The following GALNT18 variants were observed in gnomAD, a reference collection of about 807,000 sequenced individuals.
GALNT18 encodes GalNAc-transferase 18.
Under a neutral mutation model 69.5 loss-of-function variants are expected in GALNT18, and 44 were observed. The ratio of observed to expected loss-of-function variants is 0.63; its 90% CI spans 0.50 to 0.81. The LOEUF is 0.81. Among genes scored for constraint, GALNT18 ranks in the 40% least tolerant of loss-of-function variants. The pLI is 0.00. For missense variants in GALNT18, 715 were observed against 810.0 expected (o/e 0.88, Z 1.42); for synonymous variants, 364 against 318.2 (o/e 1.14, Z -1.53).
chr11:11,461,516 C>G lies in GALNT18; in HGVS notation c.236-12580G>C, dbSNP rs1856042273. ...AGCAACCTTTAAAGCTAGAATTCTG[C>G]CTAGGAGAGATATAATAAACTCTGA... On this transcript the variant is annotated intron_variant, in intron 1 of 10. Coordinates refer to ENST00000227756, the MANE Select transcript of GALNT18 (RefSeq NM_198516.3). This position sits in a 1 kb window ranked among gnomAD's most constrained non-coding sequence, Gnocchi z 4.1. Among the ~76,000 whole-genome samples, 1 of 152,128 alleles carries G rather than the reference C, an allele frequency of 6.6e-6. No homozygotes were observed. Among genetic ancestry groups the G allele is most frequent in the Admixed American group, 6.5e-5 (1 of 15,276 alleles).
rs111291795 is a variant in GALNT18 at position 11,443,161 on chromosome 11, T to G, written c.428+5583A>C. Reference sequence around the variant, plus strand: ...CCGCAGAACTGGAGAGCACACATGTTCCACCTGCCTGGCCCGGCTGGGGTG... The same window carrying G: ...CCGCAGAACTGGAGAGCACACATGTGCCACCTGCCTGGCCCGGCTGGGGTG... On this transcript the variant is annotated intron_variant, in intron 2 of 10. Transcript: ENST00000227756. Among the ~76,000 whole-genome samples, 205 of 152,284 alleles carry G rather than the reference T, an allele frequency of 1.3e-3. 2 individuals are homozygous for G. Among genetic ancestry groups the G allele is most frequent in the African/African-American group, 4.8e-3 (198 of 41,554 alleles).
At chr11:11,328,148 G>T (rs1269508908) in intron 8 of GALNT18, among the ~76,000 whole-genome samples, 2 of 152,150 alleles carry the variant, frequency 1.3e-5, no homozygotes, top group Non-Finnish European at 2.9e-5. Flanking sequence ...GATGATGCAC[G>T]AGGCAGACAG....
rs949518624 is a variant in GALNT18, at chr11:11,591,434, T to C, written c.235+29925A>G. Among the ~76,000 whole-genome samples the C allele has an allele frequency of 6.6e-6, 1 of 152,180 alleles. No homozygotes were observed. The highest frequency in any genetic ancestry group is 2.4e-5 in the African/African-American group (1 of 41,452). ...ACTTTACTGGATGAGCCTCACTGCGTTCCTTCTCATCCATGTTTCTCAGGC... is the reference window on the plus strand; with the variant it reads ...ACTTTACTGGATGAGCCTCACTGCGCTCCTTCTCATCCATGTTTCTCAGGC... On this transcript the variant is annotated intron_variant, in intron 1 of 10. Transcript: ENST00000227756. This position sits in a 1 kb window ranked among gnomAD's most constrained non-coding sequence, Gnocchi z 4.8.
chr11:11,595,030 G>T lies in GALNT18; in HGVS notation c.235+26329C>A, dbSNP rs1017490626. ...ATATCTATATAAAATCTCCAAGAATGAATATATACATATATATTCATTCCT... is the reference window on the plus strand; with the variant it reads ...ATATCTATATAAAATCTCCAAGAATTAATATATACATATATATTCATTCCT... On this transcript the variant is annotated intron_variant, in intron 1 of 10. Coordinates refer to ENST00000227756, the MANE Select transcript of GALNT18 (RefSeq NM_198516.3). The surrounding 1 kb of genome is among the most constrained non-coding windows in gnomAD (Gnocchi z 5.2). Among the ~76,000 whole-genome samples the T allele has an allele frequency of 1.3e-5, 2 of 150,206 alleles. No homozygotes were observed. Among genetic ancestry groups the T allele is most frequent in the Admixed American group, 1.3e-4 (2 of 15,086 alleles).
At chr11:11,576,876 G>A (rs1481369064) in intron 1 of GALNT18, among the ~76,000 whole-genome samples, 1 of 152,236 alleles carries the variant, frequency 6.6e-6, no homozygotes, top group Non-Finnish European at 1.5e-5. Flanking sequence ...CCAGTTTCAT[G>A]GTGTGAACGC....
rs189219662 is a variant in GALNT18 at position 11,350,629 on chromosome 11, C to T, written c.1093-9625G>A. Among the ~76,000 whole-genome samples the T allele has an allele frequency of 3.9e-3, 593 of 152,266 alleles. 15 individuals are homozygous for T. The highest frequency in any genetic ancestry group is 3.5e-3 in the East Asian group (18 of 5,166). On this transcript the variant is annotated intron_variant, in intron 6 of 10. Transcript: ENST00000227756. ...GGGTGCTCCTCCATATTTCCCTGCA[C>T]CCCTTGCAGTCAGGAGGGTGCAAAT...
chr11:11,329,722 C>G (rs73417692), intron 8 of GALNT18, among the ~76,000 whole-genome samples: 8,849 of 152,234 alleles, frequency 0.058, 483 homozygotes, highest in African/African-American at 0.14. Flanking sequence ...ACAAAGGAGA[C>G]AGTCAACACT....
At position 11,327,076 on chromosome 11, in the gene GALNT18, G is replaced by C. The variant is rs373282244; in HGVS notation, c.1512+10C>G. The C allele has an allele frequency of 1.7e-4, 267 of 1,597,208 alleles. 1 individual carries two copies. The highest frequency in any genetic ancestry group is 3.1e-4 in the South Asian group (28 of 90,736). On this transcript the variant is annotated intron_variant, in intron 9 of 10. Transcript: ENST00000227756. The stretch of plus-strand genomic sequence containing the variant: ...ACACTCCTGGCACAGGAATCTCTTA[G>C]AGGACTCACCTGAGGCGTCATCCCA...
At chr11:11,589,641 T>G (rs148941339) in intron 1 of GALNT18, among the ~76,000 whole-genome samples, 10 of 152,210 alleles carry the variant, frequency 6.6e-5, no homozygotes, top group African/African-American at 2.4e-4. Flanking sequence ...CTCACAGCCT[T>G]GCTGAATGCT....
At chr11:11,525,429 A>G (rs1857497051) in intron 1 of GALNT18, among the ~76,000 whole-genome samples, 1 of 152,160 alleles carries the variant, frequency 6.6e-6, no homozygotes, top group African/African-American at 2.4e-5. Context: ...CGATAGTAAA[A>G]GCAAAAAAGT....
At position 11,601,784 on chromosome 11, in the gene GALNT18, A is replaced by G. The variant is rs1206225751; in HGVS notation, c.235+19575T>C. Among the ~76,000 whole-genome samples the G allele has an allele frequency of 3.3e-5, 5 of 152,240 alleles. No individual in the cohort carries two copies. The highest frequency in any genetic ancestry group is 6.5e-5 in the Admixed American group (1 of 15,286). ...ACTGTGACTTTAAGCAAAATATAAC[A>G]TATAACAAAACCTGTTTTTTTCTCA... On this transcript the variant is annotated intron_variant, in intron 1 of 10. Coordinates refer to ENST00000227756, the MANE Select transcript of GALNT18 (RefSeq NM_198516.3). This position sits in a 1 kb window ranked among gnomAD's most constrained non-coding sequence, Gnocchi z 4.0.
At chr11:11,554,397 C>T (rs752404811) in intron 1 of GALNT18, among the ~76,000 whole-genome samples, 1 of 150,982 alleles carries the variant, frequency 6.6e-6, no homozygotes, top group African/African-American at 2.4e-5. Context: ...CTCAGGGACA[C>T]CTGTAATCTG....
At position 11,555,946 on chromosome 11, in the gene GALNT18, C is replaced by A. The variant is rs1440680539; in HGVS notation, c.235+65413G>T. Among the ~76,000 whole-genome samples the A allele has an allele frequency of 6.6e-6, 1 of 152,208 alleles. No individual in the cohort carries two copies. Among genetic ancestry groups the A allele is most frequent in the African/African-American group, 2.4e-5 (1 of 41,460 alleles). On this transcript the variant is annotated intron_variant, in intron 1 of 10. Coordinates refer to ENST00000227756, the MANE Select transcript of GALNT18 (RefSeq NM_198516.3). The surrounding 1 kb of genome is among the most constrained non-coding windows in gnomAD (Gnocchi z 4.7). ...TCTGAACGTTGATCTGGTTTGCTTT[C>A]CCTTATTTCCTCTGAGTCCTCTAAC... is the stretch of plus-strand genomic sequence containing the variant.
intron 6 of GALNT18, among the ~76,000 whole-genome samples, chr11:11,370,553 C>T (rs1157393918): frequency 1.3e-5 from 2 of 151,150 alleles, no homozygotes; most frequent in African/African-American, 4.9e-5. Context: ...TCCAATGACA[C>T]TTCATTTCTG....
At chr11:11,403,775 A>G (rs6416088) in intron 3 of GALNT18, among the ~76,000 whole-genome samples, 136,781 of 152,196 alleles carry the variant, frequency 0.9, 61,547 homozygotes, top group East Asian at 1. Context: ...CTGCTGTGCC[A>G]ACTCTCCCCC....
rs1389705394 is a variant in GALNT18, at chr11:11,563,027, C to A, written c.235+58332G>T. ...CCTTCTACAATTTGCCAACTTGGTC[C>A]TGACGTTTTGTGCTTCATGGCTTCC... is the stretch of plus-strand genomic sequence containing the variant. On this transcript the variant is annotated intron_variant, in intron 1 of 10. Coordinates refer to ENST00000227756, the MANE Select transcript of GALNT18 (RefSeq NM_198516.3). The surrounding 1 kb of genome is among the most constrained non-coding windows in gnomAD (Gnocchi z 4.6). Among the ~76,000 whole-genome samples the A allele has an allele frequency of 6.6e-6, 1 of 152,152 alleles. No homozygotes were observed. The highest frequency in any genetic ancestry group is 6.5e-5 in the Admixed American group (1 of 15,274).
chr11:11,505,627 A>C lies in GALNT18; in HGVS notation c.236-56691T>G, dbSNP rs1857053976. ...GATTCAGTCTCCGACATCCCAATGAAAGCATTCTCACTAAGATTTCCATTG... is the reference window on the plus strand; with the variant it reads ...GATTCAGTCTCCGACATCCCAATGACAGCATTCTCACTAAGATTTCCATTG... On this transcript the variant is annotated intron_variant, in intron 1 of 10. Transcript: ENST00000227756. This position sits in a 1 kb window ranked among gnomAD's most constrained non-coding sequence, Gnocchi z 4.6. Among the ~76,000 whole-genome samples, 1 of 152,162 alleles carries C rather than the reference A, an allele frequency of 6.6e-6. No homozygotes were observed. The highest frequency in any genetic ancestry group is 1.5e-5 in the Non-Finnish European group (1 of 68,030).
rs1363558919 is a variant in GALNT18, at chr11:11,604,274, T to G, written c.235+17085A>C. Among the ~76,000 whole-genome samples the G allele has an allele frequency of 6.6e-6, 1 of 152,340 alleles. No homozygotes were observed. Among genetic ancestry groups the G allele is most frequent in the Non-Finnish European group, 1.5e-5 (1 of 68,034 alleles). The stretch of plus-strand genomic sequence containing the variant: ...TAAGTTAAAAATCCATTAAGAGCAT[T>G]ATTGAATGTCTTATTCTCCTTCATT... On this transcript the variant is annotated intron_variant, in intron 1 of 10. Coordinates refer to ENST00000227756, the MANE Select transcript of GALNT18 (RefSeq NM_198516.3). This position sits in a 1 kb window ranked among gnomAD's most constrained non-coding sequence, Gnocchi z 5.6.
intron 1 of GALNT18, among the ~76,000 whole-genome samples, chr11:11,537,293 T>C (rs1857801507): frequency 6.6e-6 from 1 of 152,204 alleles, no homozygotes; most frequent in Non-Finnish European, 1.5e-5. Context: ...TAGGAATCTG[T>C]TCAATATACA....
Sources: allele counts gnomAD v4.1 joint callset (sites outside exome capture counted in the v4.1 genomes callset), GRCh38; gene constraint gnomAD v4.1.1; non-coding constraint Gnocchi (gnomAD v3.1); transcripts MANE v1.5; gene names NCBI Gene and HGNC (gene_info 2026-07-23, HGNC 2026-07-21).